Variants in SNRPE observed in about 807,000 individuals in gnomAD.
SNRPE encodes small nuclear ribonucleoprotein E.
For missense variants in SNRPE, 53 were observed against 111.6 expected (o/e 0.48, Z 2.36); for synonymous variants, 35 against 36.7 (o/e 0.95, Z 0.17).
At chr1:203,865,240 T>A in intron 4 of SNRPE, 121 bp downstream of exon 4, 1 of 885,644 alleles carries the variant, frequency 1.1e-6, no homozygotes. Context: ...TTATTCAGAG[T>A]AGTAGTACAC....
Position 203,861,682 on chromosome 1 carries a change from A to G in SNRPE, c.23A>G (p.Gln8Arg). The part of the protein sequence containing the change: MAYRGQG[Q>R]KVQKVMVQPI... ...ACCATGGCGTACCGTGGCCAGGGTC[A>G]GAAAGTGCAGAAGGTTATGGTGCAG... Residue 8 changes from glutamine (Q) to arginine (R), a missense_variant, in exon 1 of 5, where the codon CAG becomes CGG. Coordinates refer to ENST00000414487, the MANE Select transcript of SNRPE (RefSeq NM_003094.4). 2 of 1,613,512 alleles carry G rather than the reference A, an allele frequency of 1.2e-6. No individual in the cohort carries two copies. The highest frequency in any genetic ancestry group is 1.7e-6 in the Non-Finnish European group (2 of 1,179,374).
intron 4 of SNRPE, among the ~76,000 whole-genome samples, chr1:203,867,414 C>T (rs1690115125): frequency 6.6e-6 from 1 of 152,028 alleles, no homozygotes; most frequent in Admixed American, 6.6e-5. Flanking sequence ...TTATAGTGCA[C>T]TTTATTATTA....
At chr1:203,865,168 T>C (rs1690062428) in intron 4 of SNRPE, 49 bp downstream of exon 4, 1 of 1,526,290 alleles carries the variant, frequency 6.6e-7, no homozygotes, top group African/African-American at 1.4e-5. Context: ...TTTATTCACT[T>C]GCAGAATTCA....
intron 4 of SNRPE, among the ~76,000 whole-genome samples, chr1:203,867,107 GAA>G (rs71566135): frequency 3.0e-4 from 16 of 52,850 alleles, no homozygotes; most frequent in African/African-American, 9.7e-4. Context: ...TGTCTTTCCT[GAA>G]AAAAAAAAAA....
chr1:203,868,697 T>A (rs1401985048), intron 4 of SNRPE, among the ~76,000 whole-genome samples: 1 of 151,946 alleles, frequency 6.6e-6, no homozygotes, highest in Non-Finnish European at 1.5e-5. Flanking sequence ...GGAGACGGAG[T>A]CTCACTCTGT....
chr1:203,865,468 T>C (rs1341361454), intron 4 of SNRPE, among the ~76,000 whole-genome samples: 3 of 152,160 alleles, frequency 2.0e-5, no homozygotes, highest in Non-Finnish European at 4.4e-5. Context: ...AAAACCCAAG[T>C]AGATTTTTCT....
intron 3 of SNRPE, among the ~76,000 whole-genome samples, chr1:203,864,242 C>A (rs546689894): frequency 6.6e-6 from 1 of 151,928 alleles, no homozygotes; most frequent in Non-Finnish European, 1.5e-5. Flanking sequence ...GCATGAGCCA[C>A]AACGCCTGGC....
chr1:203,864,503 ACTC>A (rs1690045710), intron 3 of SNRPE, among the ~76,000 whole-genome samples: 1 of 150,616 alleles, frequency 6.6e-6, no homozygotes, highest in Non-Finnish European at 1.5e-5. Context: ...GCAATCTTGA[ACTC>A]CTTGGCTCAA....
At chr1:203,866,102 C>T (rs907216989) in intron 4 of SNRPE, among the ~76,000 whole-genome samples, 6 of 152,268 alleles carry the variant, frequency 3.9e-5, no homozygotes, top group Non-Finnish European at 7.3e-5. Flanking sequence ...GCTGAAAGTC[C>T]GACATCACTA....
chr1:203,863,878 A>G (rs1379974154), intron 3 of SNRPE, among the ~76,000 whole-genome samples, 153 bp downstream of exon 3: 1 of 152,208 alleles, frequency 6.6e-6, no homozygotes, highest in Non-Finnish European at 1.5e-5. Context: ...CATTGTTGAT[A>G]GATAAGGATT....
chr1:203,861,990 A>C (rs747203205), intron 1 of SNRPE: 2 of 613,696 alleles, frequency 3.3e-6, no homozygotes, highest in Non-Finnish European at 5.9e-6. Flanking sequence ...CGGTTTTGGG[A>C]AACTCCAGGG....
At chr1:203,868,843 T>C (rs1031692036) in intron 4 of SNRPE, among the ~76,000 whole-genome samples, 15 of 152,084 alleles carry the variant, frequency 9.9e-5, no homozygotes, top group South Asian at 2.1e-4. Context: ...TAATTTTTTG[T>C]ATTTTAGTAG....
rs1689980391 is a variant in SNRPE at position 203,861,687 on chromosome 1, G to A, written c.28G>A (p.Val10Met). 1.2e-6 allele frequency: 2 copies of A among 1,613,414 alleles called. No homozygotes were observed. Among genetic ancestry groups the A allele is most frequent in the South Asian group, 1.1e-5 (1 of 91,080 alleles). MAYRGQGQK[V>M]QKVMVQPINL... is the part of the protein sequence containing the mutation. ...GGCGTACCGTGGCCAGGGTCAGAAA[G>A]TGCAGAAGGTTATGGTGCAGCCCAT... The change falls in exon 1 of 5, where the codon GTG becomes ATG. Residue 10 changes from valine to methionine, a missense_variant. Physicochemically the swap from Val to Met is conservative, Grantham distance 21. Coordinates refer to ENST00000414487, the MANE Select transcript of SNRPE (RefSeq NM_003094.4).
chr1:203,861,608 G>A lies in SNRPE; in HGVS notation c.-52G>A, dbSNP rs747051579. 76 of 1,445,862 alleles carry A rather than the reference G, an allele frequency of 5.3e-5. No homozygotes were observed. Among genetic ancestry groups the A allele is most frequent in the Non-Finnish European group, 7.1e-5 (73 of 1,027,044 alleles). The allele number at this position is 1,445,862 out of a possible 1,614,324, so 89.6% of individuals were successfully genotyped here. Reference sequence around the variant, plus strand: ...ACTTCCGCTTCCGGTTCTTTATTCCGGAAGTTGCTCTCAGAGGCAGCGTGC... The same window carrying A: ...ACTTCCGCTTCCGGTTCTTTATTCCAGAAGTTGCTCTCAGAGGCAGCGTGC... On this transcript the variant is annotated 5_prime_UTR_variant, in exon 1 of 5. Transcript: ENST00000414487.
chr1:203,867,279 CA>C (rs200904781), intron 4 of SNRPE, among the ~76,000 whole-genome samples: 51 of 142,694 alleles, frequency 3.6e-4, no homozygotes, highest in African/African-American at 6.0e-4. Context: ...GACTCTGTCT[CA>C]AAAAAAAAAA....
At position 203,861,621 on chromosome 1, in the gene SNRPE, A is replaced by T. The variant is rs1367693344; in HGVS notation, c.-39A>T. On this transcript the variant is annotated 5_prime_UTR_variant, in exon 1 of 5. Coordinates refer to ENST00000414487, the MANE Select transcript of SNRPE (RefSeq NM_003094.4). The stretch of plus-strand genomic sequence containing the variant: ...GTTCTTTATTCCGGAAGTTGCTCTC[A>T]GAGGCAGCGTGCGGGTGTGCTCTTT... 3 of 1,568,118 alleles carry T rather than the reference A, an allele frequency of 1.9e-6. No individual in the cohort carries two copies. Among genetic ancestry groups the T allele is most frequent in the East Asian group, 4.5e-5 (2 of 44,654 alleles).
rs748450846 is a variant in SNRPE, at chr1:203,862,230, A to G, written c.81+8A>G. 3.7e-6 allele frequency: 6 copies of G among 1,600,914 alleles called. No homozygotes were observed. Among genetic ancestry groups the G allele is most frequent in the Non-Finnish European group, 5.1e-6 (6 of 1,167,926 alleles). ...TTCAGATACTTACAAAATGTACGTA[A>G]GTTGCTTGTTTCGTAACTACTTTTT... On this transcript the variant is annotated splice_region_variant and intron_variant, in intron 2 of 4. Coordinates refer to ENST00000414487, the MANE Select transcript of SNRPE (RefSeq NM_003094.4).
chr1:203,870,111 G>A lies in SNRPE; in HGVS notation c.*179G>A, dbSNP rs1558160002. The A allele has an allele frequency of 2.0e-6, 1 of 498,190 alleles. No homozygotes were observed. Among genetic ancestry groups the A allele is most frequent in the Non-Finnish European group, 3.5e-6 (1 of 283,624 alleles). The allele number at this position is 498,190 out of a possible 1,614,324, so 30.9% of individuals were successfully genotyped here. Reference sequence around the variant, plus strand: ...TTACATTGCTTCTTACTATTCAGCAGTAGAAACTTTTTACACAGTAACACC... The same window carrying A: ...TTACATTGCTTCTTACTATTCAGCAATAGAAACTTTTTACACAGTAACACC... On this transcript the variant is annotated 3_prime_UTR_variant, in exon 5 of 5. Coordinates refer to ENST00000414487, the MANE Select transcript of SNRPE (RefSeq NM_003094.4).
intron 4 of SNRPE, 117 bp from the exon 5 acceptor site, chr1:203,869,760 C>T (rs1690176470): frequency 8.8e-6 from 6 of 679,518 alleles, no homozygotes; most frequent in Admixed American, 2.9e-5. Flanking sequence ...AAAATGTTCA[C>T]ATATTTTTAT....
Sources: gnomAD v4.1 joint callset for allele counts (sites outside exome capture counted in the v4.1 genomes callset) on GRCh38, gnomAD v4.1.1 for gene constraint, MANE v1.5 for transcripts, NCBI Gene and HGNC (gene_info 2026-07-23, HGNC 2026-07-21) for gene names.